Variants in SMG6 observed in about 807,000 individuals in gnomAD.
SMG6 encodes SMG6 nonsense mediated mRNA decay factor, also known as telomerase-binding protein EST1A.
A neutral mutation model predicts 142.2 loss-of-function variants in SMG6; 66 were observed. The ratio of observed to expected loss-of-function variants is 0.46; its 90% CI spans 0.38 to 0.57. The LOEUF (loss-of-function observed/expected upper bound fraction) is 0.57. SMG6 is among the 20% of genes least tolerant of loss of function. The probability of loss-of-function intolerance (pLI) is 0.00; values close to 1 mark genes in which losing one functional copy is unlikely to be tolerated. For missense variants in SMG6, 1,793 were observed against 1,832.0 expected (o/e 0.98, Z 0.39); for synonymous variants, 779 against 702.4 (o/e 1.11, Z -1.72).
intron 15 of SMG6, among the ~76,000 whole-genome samples, chr17:2,073,383 G>A (rs771089132): frequency 6.6e-6 from 1 of 151,518 alleles, no homozygotes; most frequent in African/African-American, 2.4e-5. Context: ...TGTGCCCAGC[G>A]TTTTTTTGTT....
intron 10 of SMG6, among the ~76,000 whole-genome samples, chr17:2,196,360 G>A (rs1018493085): frequency 4.6e-5 from 7 of 152,156 alleles, no homozygotes; most frequent in South Asian, 4.1e-4. Flanking sequence ...CCCAGGAGGC[G>A]GAGGTTGCAG....
chr17:2,165,744 A>T (rs781432368), intron 13 of SMG6, among the ~76,000 whole-genome samples: 3 of 152,118 alleles, frequency 2.0e-5, no homozygotes, highest in Non-Finnish European at 4.4e-5. Context: ...TCTAATAAAA[A>T]AGTAAAAATA....
intron 8 of SMG6, among the ~76,000 whole-genome samples, chr17:2,271,389 C>T (rs1235182328): frequency 6.6e-6 from 1 of 151,732 alleles, no homozygotes; most frequent in Non-Finnish European, 1.5e-5. Context: ...CCATGCCCAG[C>T]CAAGTCCAGG....
At chr17:2,218,064 G>T (rs145965971) in intron 10 of SMG6, among the ~76,000 whole-genome samples, 15 of 151,928 alleles carry the variant, frequency 9.9e-5, no homozygotes, top group Non-Finnish European at 1.9e-4. Flanking sequence ...ATCAGAGATG[G>T]GTAACACCTG....
rs73296341 is a variant in SMG6, at chr17:2,068,276, T to C, written c.3835+502A>G. The stretch of plus-strand genomic sequence containing the variant: ...TGAGCCAAGGGCTTGCTCTGGAGGG[T>C]TCCTGCTGGCCTAGCCTTAGGGTGA... On this transcript the variant is annotated intron_variant, in intron 16 of 18. Coordinates refer to ENST00000263073, the MANE Select transcript of SMG6 (RefSeq NM_017575.5). This position sits in a 1 kb window ranked among gnomAD's most constrained non-coding sequence, Gnocchi z 6.7. Among the ~76,000 whole-genome samples the C allele has an allele frequency of 0.022, 3,323 of 152,230 alleles. 125 individuals are homozygous for C. Among genetic ancestry groups the C allele is most frequent in the African/African-American group, 0.077 (3,181 of 41,508 alleles).
chr17:2,288,818 G>A (rs554201531), intron 6 of SMG6, among the ~76,000 whole-genome samples: 113 of 151,714 alleles, frequency 7.4e-4, no homozygotes, highest in African/African-American at 2.4e-3. Context: ...GGTGGCTCAC[G>A]CCTGTAATCC....
At chr17:2,281,245 A>G (rs2074778710) in intron 8 of SMG6, among the ~76,000 whole-genome samples, 1 of 151,572 alleles carries the variant, frequency 6.6e-6, no homozygotes, top group African/African-American at 2.4e-5. Flanking sequence ...CCTGCCTCAG[A>G]CTCCTGAGTA....
chr17:2,130,833 G>A (rs1428214893), intron 13 of SMG6, among the ~76,000 whole-genome samples: 2 of 151,692 alleles, frequency 1.3e-5, no homozygotes, highest in African/African-American at 4.8e-5. Context: ...GGTGAAACCC[G>A]TCTCTACTAA....
intron 12 of SMG6, among the ~76,000 whole-genome samples, chr17:2,179,074 G>C (rs1020053022): frequency 6.6e-6 from 1 of 152,168 alleles, no homozygotes; most frequent in Non-Finnish European, 1.5e-5. Flanking sequence ...GGCTCCTGCC[G>C]TGGGAGAGAT....
intron 10 of SMG6, among the ~76,000 whole-genome samples, chr17:2,217,372 A>T: frequency 6.6e-6 from 1 of 151,878 alleles, no homozygotes. Flanking sequence ...TCAGTCTATT[A>T]AAATTAATAT....
chr17:2,199,552 T>A (rs1030920082), intron 10 of SMG6, among the ~76,000 whole-genome samples: 13 of 148,112 alleles, frequency 8.8e-5, no homozygotes, highest in African/African-American at 2.5e-4. Flanking sequence ...AAAAAATAAA[T>A]AAAAATAAAT....
At chr17:2,291,280 G>A (rs577539027) in intron 6 of SMG6, among the ~76,000 whole-genome samples, 65 of 151,776 alleles carry the variant, frequency 4.3e-4, no homozygotes, top group Non-Finnish European at 6.9e-4. Context: ...GCCGTGAGCC[G>A]AGATCGCGCC....
chr17:2,082,549 C>T (rs8069947), intron 14 of SMG6, among the ~76,000 whole-genome samples: 60,966 of 152,062 alleles, frequency 0.4, 12,796 homozygotes, highest in Admixed American at 0.49. Context: ...GGAATTCACA[C>T]GACATGACCT....
chr17:2,112,516 TAAAATAA>T (rs891821743), intron 13 of SMG6, among the ~76,000 whole-genome samples: 4 of 115,324 alleles, frequency 3.5e-5, no homozygotes, highest in South Asian at 5.4e-4. Context: ...TCAAAAAAAA[TAAAATAA>T]AAAATAAATA....
At chr17:2,244,413 A>G (rs1226959540) in intron 9 of SMG6, among the ~76,000 whole-genome samples, 5 of 152,154 alleles carry the variant, frequency 3.3e-5, no homozygotes, top group Non-Finnish European at 7.4e-5. Context: ...CTGGGACAAG[A>G]TTGTATTTAA....
Position 2,068,961 on chromosome 17 carries a change from AC to A in SMG6, c.3682-31del. The A allele has an allele frequency of 6.2e-7, 1 of 1,610,112 alleles. No homozygotes were observed. Among genetic ancestry groups the A allele is most frequent in the Non-Finnish European group, 8.5e-7 (1 of 1,177,114 alleles). ...GGGGACAGAGTGGTGAATGAGCCAGACAGCGAGCAGGCAAGCAGGTGGGTGA... is the reference window on the plus strand; with the variant it reads ...GGGGACAGAGTGGTGAATGAGCCAGAAGCGAGCAGGCAAGCAGGTGGGTGA... On this transcript the variant is annotated intron_variant, in intron 15 of 18. Transcript: ENST00000263073. This position sits in a 1 kb window ranked among gnomAD's most constrained non-coding sequence, Gnocchi z 6.7.
At chr17:2,077,929 T>C (rs942099964) in intron 15 of SMG6, among the ~76,000 whole-genome samples, 5 of 152,208 alleles carry the variant, frequency 3.3e-5, no homozygotes, top group East Asian at 3.9e-4. Context: ...GATGGGGTAG[T>C]GGGAGAAGAG....
At chr17:2,199,266 T>A (rs965431713) in intron 10 of SMG6, among the ~76,000 whole-genome samples, 12 of 152,252 alleles carry the variant, frequency 7.9e-5, no homozygotes, top group Non-Finnish European at 1.8e-4. Context: ...GTCTGAGTAC[T>A]GTTTTCTTCA....
chr17:2,119,215 G>A (rs770748368), intron 13 of SMG6, among the ~76,000 whole-genome samples: 9 of 151,992 alleles, frequency 5.9e-5, no homozygotes, highest in South Asian at 2.1e-4. Context: ...GTGCCACCAC[G>A]CCCGGCTAAT....
Sources: allele counts gnomAD v4.1 joint callset (sites outside exome capture counted in the v4.1 genomes callset), GRCh38; gene constraint gnomAD v4.1.1; non-coding constraint Gnocchi (gnomAD v3.1); transcripts MANE v1.5; gene names NCBI Gene and HGNC (gene_info 2026-07-23, HGNC 2026-07-21).